Variants in MAP7D2 observed in about 807,000 individuals in gnomAD.
MAP7D2 encodes the protein MAP7 domain-containing protein 2.
MAP7D2 carries 33 observed loss-of-function variants against 63.5 expected under a neutral mutation model. That is an observed-to-expected ratio of 0.52 (90% CI 0.39 to 0.70). The LOEUF (loss-of-function observed/expected upper bound fraction) is 0.70, where lower values mean the gene tolerates loss of function less well. Ranked by LOEUF, MAP7D2 falls within the 30% of genes least tolerant of loss-of-function variation. The pLI is 0.00. For missense variants in MAP7D2, 626 were observed against 604.0 expected (o/e 1.04, Z -0.38); for synonymous variants, 224 against 223.7 (o/e 1.00, Z -0.01).
At chrX:20,100,048 T>C (rs1441002615) in intron 1 of MAP7D2, among the ~76,000 whole-genome samples, 1 of 112,039 alleles carries the variant, frequency 8.9e-6, no homozygotes, top group Non-Finnish European at 1.9e-5. Context: ...CTTTCATTTA[T>C]ATCTTCAGCT....
chrX:20,056,884 A>C, intron 3 of MAP7D2, 93 bp from the exon 4 acceptor site: 3 of 792,387 alleles, frequency 3.8e-6, no homozygotes, highest in Non-Finnish European at 5.5e-6. Flanking sequence ...GAGTCACCAA[A>C]TGGGGCTTTC....
chrX:20,013,099 C>G lies in MAP7D2; in HGVS notation c.1840G>C (p.Val614Leu). 1 of 1,211,290 alleles carries G rather than the reference C, an allele frequency of 8.3e-7. No individual in the cohort carries two copies. Among genetic ancestry groups the G allele is most frequent in the Non-Finnish European group, 1.1e-6 (1 of 895,013 alleles). ...AGTTTTGTCTTCTTTTCCACACACACAGCAGGCTGGACCCCCACTTTGGGG... is the reference window on the plus strand; with the variant it reads ...AGTTTTGTCTTCTTTTCCACACACAGAGCAGGCTGGACCCCCACTTTGGGG... Reference protein sequence around the residue: ...EDPKVGVQPAVCVEKKTKLVV... With the variant: ...EDPKVGVQPALCVEKKTKLVV... The change falls in exon 14 of 17, where the codon GTG becomes CTG. Residue 614 changes from valine to leucine, a missense_variant. Transcript: ENST00000379643.
At position 20,062,886 on chromosome X, in the gene MAP7D2, T is replaced by C. The variant is rs754359773; in HGVS notation, c.372+528A>G. 2.1e-4 allele frequency among the ~76,000 whole-genome samples: 23 copies of C among 111,878 alleles called. 1 individual carries two copies. The South Asian group carries it at 8.3e-3, about 40-fold the overall frequency. On this transcript the variant is annotated intron_variant, in intron 3 of 16. Transcript: ENST00000379643. ...CTTGGTATTTGAGGGTAGACTAATT[T>C]GCCAGTAGCAACTGACAGGATCACA... is the stretch of plus-strand genomic sequence containing the variant.
chrX:20,110,715 A>C (rs1180941657), intron 1 of MAP7D2, among the ~76,000 whole-genome samples: 1 of 109,366 alleles, frequency 9.1e-6, no homozygotes, highest in Non-Finnish European at 1.9e-5. Context: ...GGTTACACGC[A>C]AATACTATAC....
intron 8 of MAP7D2, among the ~76,000 whole-genome samples, chrX:20,037,122 T>A (rs374292393): frequency 1.6e-4 from 17 of 107,244 alleles, no homozygotes; most frequent in East Asian, 8.7e-4. Flanking sequence ...TAAAGGGGAG[T>A]TTATTAAGGA....
intron 1 of MAP7D2, among the ~76,000 whole-genome samples, chrX:20,070,053 A>T (rs2065462284): frequency 9.0e-6 from 1 of 110,932 alleles, no homozygotes; most frequent in Non-Finnish European, 1.9e-5. Flanking sequence ...GGCTCAAGCG[A>T]TTGTCCTGCC....
rs1490951211 is a variant in MAP7D2, at chrX:20,116,740, G to C, written c.130+10C>G. The C allele has an allele frequency of 8.5e-7, 1 of 1,171,208 alleles. No individual in the cohort carries two copies. The highest frequency in any genetic ancestry group is 1.1e-6 in the Non-Finnish European group (1 of 876,408). ...GCCCTCGGGCGCCCGCCACACTCTG[G>C]GGATAATACCTTGAGGCCGGTAGTT... On this transcript the variant is annotated intron_variant, in intron 1 of 16. Coordinates refer to ENST00000379643, the MANE Select transcript of MAP7D2 (RefSeq NM_001168465.2).
At chrX:20,062,702 G>A (rs2065252449) in intron 3 of MAP7D2, among the ~76,000 whole-genome samples, 1 of 111,584 alleles carries the variant, frequency 9.0e-6, no homozygotes. Context: ...ATATAATCGT[G>A]AAGAAAATCT....
intron 1 of MAP7D2, among the ~76,000 whole-genome samples, chrX:20,081,582 CT>C (rs2065778398): frequency 9.0e-6 from 1 of 111,722 alleles, no homozygotes; most frequent in South Asian, 3.7e-4. Flanking sequence ...CTTCAGACCC[CT>C]TCCCTGAGGA....
intron 1 of MAP7D2, among the ~76,000 whole-genome samples, chrX:20,080,967 G>T (rs1163341548): frequency 8.9e-6 from 1 of 111,842 alleles, no homozygotes; most frequent in Non-Finnish European, 1.9e-5. Context: ...AATGAGGGTT[G>T]TGTCATGTGA....
At chrX:20,045,390 G>C (rs2064767935) in intron 6 of MAP7D2, among the ~76,000 whole-genome samples, 1 of 108,993 alleles carries the variant, frequency 9.2e-6, no homozygotes, top group South Asian at 4.0e-4. Flanking sequence ...AGCTTGGCAT[G>C]GGGGCACACT....
intron 1 of MAP7D2, among the ~76,000 whole-genome samples, chrX:20,107,215 T>C (rs2066594541): frequency 9.0e-6 from 1 of 110,597 alleles, no homozygotes. Context: ...GTTGGTTGTT[T>C]TGCCAAATTT....
At chrX:20,068,303 G>A (rs1284470861) in intron 1 of MAP7D2, among the ~76,000 whole-genome samples, 1 of 112,209 alleles carries the variant, frequency 8.9e-6, no homozygotes, top group Non-Finnish European at 1.9e-5. Context: ...CCACCCTGCA[G>A]TGAGAAGCCT....
intron 4 of MAP7D2, among the ~76,000 whole-genome samples, 165 bp from the exon 5 acceptor site, chrX:20,053,153 A>G (rs1206355335): frequency 8.9e-6 from 1 of 112,317 alleles, no homozygotes; most frequent in Non-Finnish European, 1.9e-5. Flanking sequence ...CCTACTCTAG[A>G]AATGACCAGG....
At chrX:20,069,880 C>CCT (rs1569111157) in intron 1 of MAP7D2, among the ~76,000 whole-genome samples, 1 of 108,544 alleles carries the variant, frequency 9.2e-6, no homozygotes, top group Non-Finnish European at 1.9e-5. Flanking sequence ...CCCAAGCAAT[C>CCT]CTCTCACCTC....
At position 20,012,429 on chromosome X, in the gene MAP7D2, T is replaced by TC; in HGVS notation, c.1991dup (p.Leu665ThrfsTer8). The TC allele has an allele frequency of 8.3e-7, 1 of 1,209,334 alleles. No homozygotes were observed. Among genetic ancestry groups the TC allele is most frequent in the African/African-American group, 1.7e-5 (1 of 57,609 alleles). ...CATCAAGGGCATCCAGATGAATGAGTCCCCCAGCTGGCTTAAGCCCATTAG... is the reference window on the plus strand; with the variant it reads ...CATCAAGGGCATCCAGATGAATGAGTCCCCCCAGCTGGCTTAAGCCCATTAG... On this transcript the variant is annotated frameshift_variant, in exon 15 of 17. Coordinates refer to ENST00000379643, the MANE Select transcript of MAP7D2 (RefSeq NM_001168465.2). LOFTEE classifies it high-confidence loss of function.
At chrX:20,084,155 C>T (rs897741510) in intron 1 of MAP7D2, among the ~76,000 whole-genome samples, 2 of 104,671 alleles carry the variant, frequency 1.9e-5, no homozygotes, top group Non-Finnish European at 2.0e-5. Flanking sequence ...GAGCTGAGAC[C>T]GCATCGCTGC....
intron 1 of MAP7D2, among the ~76,000 whole-genome samples, chrX:20,107,453 C>G (rs1391919353): frequency 9.0e-6 from 1 of 110,872 alleles, no homozygotes; most frequent in East Asian, 2.8e-4. Flanking sequence ...TGCCTATAAT[C>G]CCAGCTACTT....
In MAP7D2 at chrX:20,114,255, ACTCCTGAC is replaced by A. The variant is rs1041906113; in HGVS notation, c.130+2487_130+2494del. Among the ~76,000 whole-genome samples, 4 of 111,647 alleles carry A rather than the reference ACTCCTGAC, an allele frequency of 3.6e-5. No homozygotes were observed. The Admixed American group carries it at 3.8e-4, about 11-fold the overall frequency. On this transcript the variant is annotated intron_variant, in intron 1 of 16. Coordinates refer to ENST00000379643, the MANE Select transcript of MAP7D2 (RefSeq NM_001168465.2). Reference sequence around the variant, plus strand: ...ACCATGTTAGCCAGACTGGTCTCAAACTCCTGACCTCAAGTGATCCACCTGCCTCGGCC... The same window carrying A: ...ACCATGTTAGCCAGACTGGTCTCAAACTCAAGTGATCCACCTGCCTCGGCC...
Sources: gnomAD v4.1 joint callset for allele counts (sites outside exome capture counted in the v4.1 genomes callset) on GRCh38, gnomAD v4.1.1 for gene constraint, MANE v1.5 for transcripts, NCBI Gene and HGNC (gene_info 2026-07-23, HGNC 2026-07-21) for gene names.